NEGR1: variants seen among roughly 807,000 people sequenced by gnomAD.
NEGR1 encodes the protein neuronal growth regulator 1.
NEGR1 carries 10 observed loss-of-function variants against 40.9 expected under a neutral mutation model. The ratio of observed to expected loss-of-function variants is 0.24; its 90% CI spans 0.15 to 0.42. The LOEUF (loss-of-function observed/expected upper bound fraction) is 0.42, where lower values mean the gene tolerates loss of function less well. Ranked by LOEUF, NEGR1 falls within the 10% of genes least tolerant of loss-of-function variation. The probability of loss-of-function intolerance (pLI) is 1.00; values close to 1 mark genes in which losing one functional copy is unlikely to be tolerated. For synonymous variants in NEGR1, 185 were observed against 166.8 expected, an observed-to-expected ratio of 1.11 and a Z score of -0.84; for missense variants, 352 against 438.9, an observed-to-expected ratio of 0.80 and a Z score of 1.77.
chr1:71,972,755 AG>A, intron 1 of NEGR1, among the ~76,000 whole-genome samples: 1 of 152,282 alleles, frequency 6.6e-6, no homozygotes, highest in Non-Finnish European at 1.5e-5. Context: ...CTGAACTCAA[AG>A]GTAATTTATG....
At chr1:72,209,184 C>T (rs547242431) in intron 1 of NEGR1, among the ~76,000 whole-genome samples, 120 of 151,254 alleles carry the variant, frequency 7.9e-4, no homozygotes, top group Middle Eastern at 3.4e-3. Flanking sequence ...AGCATTCCAT[C>T]GAGACAATGT....
At chr1:71,766,850 G>A (rs1656151228) in intron 3 of NEGR1, among the ~76,000 whole-genome samples, 1 of 152,034 alleles carries the variant, frequency 6.6e-6, no homozygotes, top group Non-Finnish European at 1.5e-5. Context: ...ACATCTTGTT[G>A]TTTAAAAGAG....
intron 1 of NEGR1, among the ~76,000 whole-genome samples, chr1:72,121,563 C>A (rs1649806448): frequency 6.6e-6 from 1 of 151,882 alleles, no homozygotes; most frequent in African/African-American, 2.4e-5. Flanking sequence ...AAAAACATGT[C>A]AGCAGACAAA....
chr1:71,684,423 T>C (rs1652953791), intron 4 of NEGR1, among the ~76,000 whole-genome samples: 1 of 152,200 alleles, frequency 6.6e-6, no homozygotes, highest in Non-Finnish European at 1.5e-5. Context: ...TTAACGTCTT[T>C]CTAAGAAGAC....
chr1:72,117,821 A>T (rs1649638837), intron 1 of NEGR1, among the ~76,000 whole-genome samples: 1 of 151,844 alleles, frequency 6.6e-6, no homozygotes, highest in Non-Finnish European at 1.5e-5. Flanking sequence ...ACTTGCCTCA[A>T]GGTATTTTTG....
chr1:71,813,201 T>C (rs952526421), intron 2 of NEGR1, among the ~76,000 whole-genome samples: 1 of 152,102 alleles, frequency 6.6e-6, no homozygotes, highest in Non-Finnish European at 1.5e-5. Context: ...CCTTTCCCCA[T>C]TGCTTGTTTT....
chr1:71,992,132 T>C (rs1646459072), intron 1 of NEGR1, among the ~76,000 whole-genome samples: 2 of 152,092 alleles, frequency 1.3e-5, no homozygotes, highest in African/African-American at 4.8e-5. Context: ...CATAGTCTAC[T>C]ACCAATATAG....
chr1:71,780,319 G>A (rs1056693652), intron 2 of NEGR1, among the ~76,000 whole-genome samples: 1 of 152,166 alleles, frequency 6.6e-6, no homozygotes, highest in Non-Finnish European at 1.5e-5. Flanking sequence ...ATATATTGAT[G>A]AGTGTAAACT....
chr1:72,154,500 A>G (rs1651287608), intron 1 of NEGR1, among the ~76,000 whole-genome samples: 1 of 152,022 alleles, frequency 6.6e-6, no homozygotes, highest in Admixed American at 6.6e-5. Flanking sequence ...CATTAAAAAA[A>G]TCCTTTGAAT....
chr1:71,807,788 C>T (rs1657833142), intron 2 of NEGR1, among the ~76,000 whole-genome samples: 1 of 152,102 alleles, frequency 6.6e-6, no homozygotes, highest in Non-Finnish European at 1.5e-5. Context: ...ACTACAAAAG[C>T]TCATCTGCAA....
chr1:71,623,800 G>T (rs1036663350), intron 4 of NEGR1, among the ~76,000 whole-genome samples: 5 of 151,836 alleles, frequency 3.3e-5, no homozygotes, highest in Non-Finnish European at 5.9e-5. Flanking sequence ...AGCTGTTTTA[G>T]AAGGGAAAGA....
chr1:72,190,479 A>G (rs1327724122), intron 1 of NEGR1, among the ~76,000 whole-genome samples: 1 of 151,664 alleles, frequency 6.6e-6, no homozygotes, highest in African/African-American at 2.4e-5. Flanking sequence ...GGCTTTAGGT[A>G]TCTATATGGA....
chr1:72,033,647 A>G (rs1213944211), intron 1 of NEGR1, among the ~76,000 whole-genome samples: 1 of 152,210 alleles, frequency 6.6e-6, no homozygotes, highest in African/African-American at 2.4e-5. Context: ...GAAATACACC[A>G]AACTTTAGTG....
chr1:72,125,472 T>A (rs1355076502), intron 1 of NEGR1, among the ~76,000 whole-genome samples: 2 of 149,908 alleles, frequency 1.3e-5, no homozygotes, highest in African/African-American at 2.4e-5. Context: ...TAAAAAAAAA[T>A]TAGTCCATAA....
rs1027693357 is a variant in NEGR1 at position 71,406,550 on chromosome 1, T to C, written c.*896A>G. On this transcript the variant is annotated 3_prime_UTR_variant, in exon 7 of 7. Transcript: ENST00000357731. ...TTTTAAAGGGAATGATTTCCCACGG[T>C]GGATCTAACATTTAGCTACAACTAA... is the stretch of plus-strand genomic sequence containing the variant. 1.3e-5 allele frequency: 2 copies of C among 152,028 alleles called. No individual in the cohort carries two copies. The highest frequency in any genetic ancestry group is 2.9e-5 in the Non-Finnish European group (2 of 67,898). 9.4% of individuals were successfully genotyped at this position (152,028 alleles called of 1,614,324 possible). A position where few individuals can be genotyped will look rare whatever the true frequency, so the allele number is the denominator to read the frequency against.
intron 6 of NEGR1, among the ~76,000 whole-genome samples, chr1:71,587,654 ACACACACATG>A (rs1316203274): frequency 6.3e-4 from 24 of 38,082 alleles, no homozygotes; most frequent in South Asian, 2.9e-3. Context: ...GTACACACAC[ACACACACATG>A]CACACACACA....
At chr1:71,729,701 C>A (rs1421933126) in intron 3 of NEGR1, among the ~76,000 whole-genome samples, 1 of 152,104 alleles carries the variant, frequency 6.6e-6, no homozygotes, top group Non-Finnish European at 1.5e-5. Flanking sequence ...GTGGTGCAAT[C>A]TTGGCTCACT....
intron 4 of NEGR1, among the ~76,000 whole-genome samples, chr1:71,662,009 T>A (rs192306920): frequency 2.6e-5 from 4 of 152,270 alleles, no homozygotes; most frequent in Admixed American, 2.0e-4. Flanking sequence ...TGAAATAACA[T>A]ATGTAGAGTT....
chr1:71,480,743 A>G (rs986663868), intron 6 of NEGR1, among the ~76,000 whole-genome samples: 6 of 151,952 alleles, frequency 3.9e-5, no homozygotes, highest in African/African-American at 1.2e-4. Context: ...AGATATTTAC[A>G]ATAATAACTT....
Sources: gnomAD v4.1 joint callset for allele counts (sites outside exome capture counted in the v4.1 genomes callset) on GRCh38, gnomAD v4.1.1 for gene constraint, MANE v1.5 for transcripts, NCBI Gene and HGNC (gene_info 2026-07-23, HGNC 2026-07-21) for gene names.